The following ITGA3 variants were observed in gnomAD, a reference collection of about 807,000 sequenced individuals.
The protein encoded by ITGA3 is integrin subunit alpha 3.
A neutral mutation model predicts 131.1 loss-of-function variants in ITGA3; 70 were observed. The ratio of observed to expected loss-of-function variants is 0.53; its 90% CI spans 0.44 to 0.65. The LOEUF (loss-of-function observed/expected upper bound fraction) is 0.65. ITGA3 is among the 30% of genes least tolerant of loss of function. The pLI is 0.00. For synonymous variants in ITGA3, 537 were observed against 571.6 expected (o/e 0.94, Z 0.86); for missense variants, 1,098 against 1,388.6 (o/e 0.79, Z 3.33).
Position 50,064,760 on chromosome 17 carries a change from G to C in ITGA3, c.414+153G>C. 1.7e-6 allele frequency: 1 copy of C among 605,786 alleles called. No individual in the cohort carries two copies. The highest frequency in any genetic ancestry group is 2.9e-6 in the Non-Finnish European group (1 of 347,140). 37.5% of individuals were successfully genotyped at this position (605,786 alleles called of 1,614,324 possible). A position where few individuals can be genotyped will look rare whatever the true frequency, so the allele number is the denominator to read the frequency against. ...CCCTTCCTGTGGCTGTGTGTCCCTC[G>C]CTCTCTGCACTCCTGGGGAGGGGGT... is the stretch of plus-strand genomic sequence containing the variant. On this transcript the variant is annotated intron_variant, in intron 3 of 25. Coordinates refer to ENST00000320031, the MANE Select transcript of ITGA3 (RefSeq NM_002204.4). This position sits in a 1 kb window ranked among gnomAD's most constrained non-coding sequence, Gnocchi z 4.4.
Position 50,090,212 on chromosome 17 carries a change from G to A in ITGA3, c.*1134G>A, listed in dbSNP as rs540455586. ...CAGCCAGACCCCACGCTGACCATGC[G>A]TCAGGGGCCTAGAGGTGGAGTTCTT... On this transcript the variant is annotated 3_prime_UTR_variant, in exon 26 of 26. Coordinates refer to ENST00000320031, the MANE Select transcript of ITGA3 (RefSeq NM_002204.4). 1.1e-4 allele frequency: 52 copies of A among 456,446 alleles called. No individual in the cohort carries two copies. Among genetic ancestry groups the A allele is most frequent in the South Asian group, 5.9e-4 (38 of 64,542 alleles). The allele number at this position is 456,446 out of a possible 1,614,324, so 28.3% of individuals were successfully genotyped here.
intron 23 of ITGA3, 121 bp downstream of exon 23, chr17:50,081,529 G>A: frequency 1.4e-6 from 1 of 739,348 alleles, no homozygotes; most frequent in Admixed American, 2.2e-5. Flanking sequence ...CACACGGTAA[G>A]AGTATCTGGA....
At chr17:50,058,270 A>G (rs574223276) in intron 1 of ITGA3, among the ~76,000 whole-genome samples, 1 of 152,210 alleles carries the variant, frequency 6.6e-6, no homozygotes, top group Non-Finnish European at 1.5e-5. Context: ...TTGATATGGT[A>G]GAGGGAGAAG....
At chr17:50,062,196 C>A (rs1324966083) in intron 1 of ITGA3, among the ~76,000 whole-genome samples, 1 of 152,134 alleles carries the variant, frequency 6.6e-6, no homozygotes, top group Non-Finnish European at 1.5e-5. Context: ...GTAGAATAGA[C>A]CTATTTGTTC....
intron 1 of ITGA3, among the ~76,000 whole-genome samples, chr17:50,057,789 G>T (rs902767418): frequency 6.6e-6 from 1 of 152,204 alleles, no homozygotes; most frequent in Non-Finnish European, 1.5e-5. Flanking sequence ...GCTGGGGCCT[G>T]CAGAGCTTGA....
Position 50,071,434 on chromosome 17 carries a change from T to C in ITGA3, c.875T>C (p.Leu292Pro), listed in dbSNP as rs752451792. 1 of 1,614,040 alleles carries C rather than the reference T, an allele frequency of 6.2e-7. No individual in the cohort carries two copies. The highest frequency in any genetic ancestry group is 1.7e-5 in the Admixed American group (1 of 60,022). ...CTGAGCCAGGAGGCAGGCGGAGACC[T>C]GCGGAGGAGGCAGGTGCTGGAGGGC... ...FLLSQEAGGD[L>P]RRRQVLEGSQ... is the part of the protein sequence containing the mutation. Residue 292 changes from leucine to proline, a missense_variant, in exon 6 of 26, where the codon CTG (leucine) becomes CCG (proline). Leu to Pro is a moderately conservative substitution (Grantham distance 98). This residue lies in a region of ITGA3 where 356 missense variants were observed against 529.2 expected (regional missense o/e 0.67). Coordinates refer to ENST00000320031, the MANE Select transcript of ITGA3 (RefSeq NM_002204.4).
chr17:50,074,016 C>A lies in ITGA3; in HGVS notation c.1245+12C>A. 2 of 1,597,818 alleles carry A rather than the reference C, an allele frequency of 1.3e-6. No individual in the cohort carries two copies. The highest frequency in any genetic ancestry group is 2.7e-5 in the African/African-American group (2 of 74,594). On this transcript the variant is annotated intron_variant, in intron 8 of 25. Coordinates refer to ENST00000320031, the MANE Select transcript of ITGA3 (RefSeq NM_002204.4). ...GACAGCCCCAGCAGGTACAGAGAGA[C>A]GGGGATGGGTCTGCTGCCCCCACCA...
intron 24 of ITGA3, 26 bp downstream of exon 24, chr17:50,087,895 C>A: frequency 6.5e-7 from 1 of 1,535,750 alleles, no homozygotes; most frequent in South Asian, 1.2e-5. Flanking sequence ...CACTCCTGCT[C>A]CGGGACCTCC....
Position 50,064,838 on chromosome 17 carries a change from C to A in ITGA3, c.414+231C>A. The A allele has an allele frequency of 2.1e-6, 1 of 468,426 alleles. No individual in the cohort carries two copies. Among genetic ancestry groups the A allele is most frequent in the East Asian group, 3.7e-5 (1 of 27,022 alleles). 29.0% of individuals were successfully genotyped at this position (468,426 alleles called of 1,614,324 possible). On this transcript the variant is annotated intron_variant, in intron 3 of 25. Transcript: ENST00000320031. This position sits in a 1 kb window ranked among gnomAD's most constrained non-coding sequence, Gnocchi z 4.4. ...GCACGGCCTGAGTTCTCTGACTCAT[C>A]CACTTCCTCCGCATGCCTACACTGG...
rs1002321097 is a variant in ITGA3 at position 50,078,762 on chromosome 17, C to T, written c.2298-62C>T. 1.4e-5 allele frequency: 13 copies of T among 952,568 alleles called. No individual in the cohort carries two copies. The African/African-American group carries it at 2.0e-4, about 14-fold the overall frequency. The allele number at this position is 952,568 out of a possible 1,614,324, so 59.0% of individuals were successfully genotyped here. A position where few individuals can be genotyped will look rare whatever the true frequency, so the allele number is the denominator to read the frequency against. ...ATAGTTAGCCAGCTTTGGTGCCCACCCCCCTCTGCCAGGGCCCTGGTCTCT... is the reference window on the plus strand; with the variant it reads ...ATAGTTAGCCAGCTTTGGTGCCCACTCCCCTCTGCCAGGGCCCTGGTCTCT... On this transcript the variant is annotated intron_variant, in intron 18 of 25. Transcript: ENST00000320031.
chr17:50,080,431 C>A, intron 22 of ITGA3, 56 bp downstream of exon 22: 1 of 1,029,674 alleles, frequency 9.7e-7, no homozygotes, highest in Non-Finnish European at 1.5e-6. Flanking sequence ...GGGAGAACAA[C>A]AGGGAGAGGG....
intron 23 of ITGA3, chr17:50,087,533 GCTC>G: frequency 2.0e-6 from 1 of 504,174 alleles, no homozygotes; most frequent in Non-Finnish European, 3.5e-6. Flanking sequence ...ATCTGAGGCC[GCTC>G]CTCTGGAGTC....
intron 4 of ITGA3, among the ~76,000 whole-genome samples, chr17:50,068,886 C>T (rs900096236): frequency 4.0e-5 from 6 of 151,172 alleles, no homozygotes; most frequent in Non-Finnish European, 1.5e-5. Context: ...CTCACTCTGT[C>T]ACCCAGGCTG....
At chr17:50,058,355 T>A (rs2144251891) in intron 1 of ITGA3, among the ~76,000 whole-genome samples, 1 of 152,218 alleles carries the variant, frequency 6.6e-6, no homozygotes, top group Admixed American at 6.5e-5. Flanking sequence ...TCCGCACATG[T>A]TGGAGGGAGG....
In ITGA3 at chr17:50,080,313, G is replaced by A; in HGVS notation, c.2758G>A (p.Asp920Asn). Residue 920 changes from aspartate (D) to asparagine (N), a missense_variant, in exon 22 of 26, where the codon GAT (aspartate) becomes AAT (asparagine). Asp to Asn is a conservative substitution (Grantham distance 23). This residue lies in a region of ITGA3 where 699 missense variants were observed against 829.2 expected (regional missense o/e 0.84). Coordinates refer to ENST00000320031, the MANE Select transcript of ITGA3 (RefSeq NM_002204.4). ...HCVWLECPIP[D>N]APVVTNVTVK... ...TGTGTGGCTAGAGTGCCCCATCCCT[G>A]ATGCCCCCGTTGTCACCAACGTGAC... 1 of 1,613,540 alleles carries A rather than the reference G, an allele frequency of 6.2e-7. No individual in the cohort carries two copies.
chr17:50,074,453 G>A lies in ITGA3; in HGVS notation c.1388G>A (p.Arg463Gln), dbSNP rs185439534. The A allele has an allele frequency of 1.2e-4, 187 of 1,614,022 alleles. No individual in the cohort carries two copies. The highest frequency in any genetic ancestry group is 1.4e-4 in the Non-Finnish European group (169 of 1,179,938). ...LSDHIVLLRA[R>Q]PVINIVHKTL... ...TGGCTCTGTTGTCTCTGCAGGGCCC[G>A]GCCCGTCATCAACATCGTCCACAAG... Residue 463 changes from arginine (R) to glutamine (Q), a missense_variant, in exon 10 of 26, where the codon CGG (arginine) becomes CAG (glutamine). By Grantham distance (43) the Arg-to-Gln change is conservative (BLOSUM62 1). Transcript: ENST00000320031.
At position 50,068,419 on chromosome 17, in the gene ITGA3, A is replaced by G. The variant is rs543995430; in HGVS notation, c.664+114A>G. The stretch of plus-strand genomic sequence containing the variant: ...CACACTAGAAACAGGACCTCATGCC[A>G]GTATCAGCAACCACCATGACTTCTA... On this transcript the variant is annotated intron_variant, in intron 4 of 25. Coordinates refer to ENST00000320031, the MANE Select transcript of ITGA3 (RefSeq NM_002204.4). 204 of 1,141,030 alleles carry G rather than the reference A, an allele frequency of 1.8e-4. 1 individual carries two copies. The East Asian group carries it at 4.4e-3, about 25-fold the overall frequency. The allele number at this position is 1,141,030 out of a possible 1,614,324, so 70.7% of individuals were successfully genotyped here.
rs114650435 is a variant in ITGA3, at chr17:50,076,513, C to G, written c.1824+38C>G. 4,550 of 1,607,344 alleles carry G rather than the reference C, an allele frequency of 2.8e-3. 97 individuals are homozygous for G. The African/African-American group carries it at 0.05, about 18-fold the overall frequency. The stretch of plus-strand genomic sequence containing the variant: ...GGCGCCTGGACTGGAAGACCAGGGG[C>G]CAGAAGGGCGGTGGGGCGAGAGGGC... On this transcript the variant is annotated intron_variant, in intron 13 of 25. Coordinates refer to ENST00000320031, the MANE Select transcript of ITGA3 (RefSeq NM_002204.4).
At chr17:50,073,445 A>G (rs1567700060) in intron 7 of ITGA3, among the ~76,000 whole-genome samples, 1 of 152,124 alleles carries the variant, frequency 6.6e-6, no homozygotes, top group Non-Finnish European at 1.5e-5. Context: ...AATTAAATGA[A>G]TAGCTGGGTG....
Sources: allele counts gnomAD v4.1 joint callset (sites outside exome capture counted in the v4.1 genomes callset), GRCh38; gene constraint gnomAD v4.1.1; regional missense constraint gnomAD v4.1.1; non-coding constraint Gnocchi (gnomAD v3.1); transcripts MANE v1.5; gene names NCBI Gene and HGNC (gene_info 2026-07-23, HGNC 2026-07-21).